The following RGS7 variants were observed in gnomAD, a reference collection of about 807,000 sequenced individuals.
RGS7 encodes regulator of G-protein signaling 7.
In RGS7, 27 loss-of-function variants were observed where a neutral mutation model predicts 81.1. That is an observed-to-expected ratio of 0.33 (90% CI 0.25 to 0.46). The LOEUF is 0.46. Among genes scored for constraint, RGS7 ranks in the 20% least tolerant of loss-of-function variants. The pLI is 1.00. For missense variants in RGS7, 396 were observed against 607.4 expected, an observed-to-expected ratio of 0.65 and a Z score of 3.66; for synonymous variants, 208 against 207.7, an observed-to-expected ratio of 1.00 and a Z score of -0.01.
At chr1:241,149,658 C>G (rs915990746) in intron 2 of RGS7, among the ~76,000 whole-genome samples, 8 of 152,234 alleles carry the variant, frequency 5.3e-5, no homozygotes, top group Non-Finnish European at 1.2e-4. Flanking sequence ...TAACCACACC[C>G]CATACCCACA....
intron 2 of RGS7, among the ~76,000 whole-genome samples, chr1:241,106,531 T>C (rs984690517): frequency 1.3e-5 from 2 of 151,658 alleles, no homozygotes; most frequent in African/African-American, 4.9e-5. Context: ...CTGGCCAACA[T>C]GGCGAAATTC....
chr1:240,944,737 T>C (rs1472047890), intron 4 of RGS7, among the ~76,000 whole-genome samples: 1 of 152,192 alleles, frequency 6.6e-6, no homozygotes, highest in Non-Finnish European at 1.5e-5. Flanking sequence ...TGTTTTGAGA[T>C]GGAGTCTCAC....
chr1:241,055,333 T>C (rs889334727), intron 3 of RGS7, among the ~76,000 whole-genome samples: 4 of 152,220 alleles, frequency 2.6e-5, no homozygotes, highest in Admixed American at 2.0e-4. Flanking sequence ...TAATGGGCTA[T>C]AAATTGGAGT....
rs1175884429 is a variant in RGS7, at chr1:241,221,011, A to AGAG, written c.79-122250_79-122249insCTC. Among the ~76,000 whole-genome samples, 68 of 35,510 alleles carry AGAG rather than the reference A, an allele frequency of 1.9e-3. 1 individual carries two copies. Among genetic ancestry groups the AGAG allele is most frequent in the Middle Eastern group, 0.012 (1 of 84 alleles). The allele number at this position is 35,510 out of a possible 152,430, so 23.3% of individuals were successfully genotyped here. On this transcript the variant is annotated intron_variant, in intron 2 of 18. Transcript: ENST00000440928. ...GAAGGAAGGAAGAGAGAGAGAAAGG[A>AGAG]AGGAAGGAAGGAAGGAAGGAAGGAA...
At chr1:240,895,394 G>A (rs145070931) in intron 6 of RGS7, among the ~76,000 whole-genome samples, 107 of 151,744 alleles carry the variant, frequency 7.1e-4, no homozygotes, top group African/African-American at 2.5e-3. Context: ...ACCCATTAAC[G>A]TGTCATTTAC....
intron 2 of RGS7, among the ~76,000 whole-genome samples, chr1:241,137,530 G>A (rs1187119359): frequency 6.6e-6 from 1 of 152,116 alleles, no homozygotes; most frequent in African/African-American, 2.4e-5. Context: ...ATCAGATCCT[G>A]AATGTTCAAC....
In RGS7 at chr1:241,089,092, T is replaced by TATATATATATATATATATAC. The variant is rs1335136344; in HGVS notation, c.175+9573_175+9574insGTATATATATATATATATAT. On this transcript the variant is annotated intron_variant, in intron 3 of 18. Coordinates refer to ENST00000440928, the MANE Select transcript of RGS7 (RefSeq NM_001364886.1). ...ATATATATATATATATATATATATATATATACTGGCTTAGACCTAAGGTGA... is the reference window on the plus strand; with the variant it reads ...ATATATATATATATATATATATATATATATATATATATATATATACATATACTGGCTTAGACCTAAGGTGA... Among the ~76,000 whole-genome samples, 91 of 100,088 alleles carry TATATATATATATATATATAC rather than the reference T, an allele frequency of 9.1e-4. 2 individuals are homozygous for TATATATATATATATATATAC. The highest frequency in any genetic ancestry group is 1.2e-3 in the East Asian group (5 of 4,146). 65.7% of individuals were successfully genotyped at this position (100,088 alleles called of 152,430 possible).
At chr1:241,312,795 C>G (rs1289373711) in intron 2 of RGS7, among the ~76,000 whole-genome samples, 1 of 152,104 alleles carries the variant, frequency 6.6e-6, no homozygotes, top group Non-Finnish European at 1.5e-5. Flanking sequence ...AATCAAAAGC[C>G]AGAAGCATGA....
rs79049817 is a variant in RGS7, at chr1:241,281,026, G to A, written c.78+74673C>T. 4.7e-3 allele frequency among the ~76,000 whole-genome samples: 709 copies of A among 152,100 alleles called. 4 individuals are homozygous for A. The highest frequency in any genetic ancestry group is 0.016 in the African/African-American group (658 of 41,498). On this transcript the variant is annotated intron_variant, in intron 2 of 18. Transcript: ENST00000440928. The stretch of plus-strand genomic sequence containing the variant: ...ATCTGTGACAATTTCAAAGCTCACA[G>A]ATGAACCACATAGTCTAGAAATATA...
intron 6 of RGS7, among the ~76,000 whole-genome samples, chr1:240,916,336 TG>T (rs1672626049): frequency 6.7e-6 from 1 of 148,368 alleles, no homozygotes; most frequent in Non-Finnish European, 1.5e-5. Context: ...CTAAAAACTG[TG>T]GGGGTAATTA....
chr1:241,180,167 C>A (rs1372332317), intron 2 of RGS7, among the ~76,000 whole-genome samples: 1 of 151,986 alleles, frequency 6.6e-6, no homozygotes. Context: ...GAGGTCAGAT[C>A]GAGACCATCA....
rs1300100154 is a variant in RGS7 at position 241,235,660 on chromosome 1, TTC to T, written c.78+120037_78+120038del. 4.5e-5 allele frequency among the ~76,000 whole-genome samples: 6 copies of T among 133,384 alleles called. 1 individual carries two copies. In the East Asian group the frequency reaches 6.6e-4, roughly 15 times the overall value. The allele number at this position is 133,384 out of a possible 152,430, so 87.5% of individuals were successfully genotyped here. ...TTCTTTTTTCTCATTCTCTCTTTCT[TTC>T]TCTTTCTCTCTCTCTTTCTTTCTCT... On this transcript the variant is annotated intron_variant, in intron 2 of 18. Transcript: ENST00000440928.
chr1:240,992,236 G>C (rs1208543720), intron 3 of RGS7, among the ~76,000 whole-genome samples: 4 of 152,198 alleles, frequency 2.6e-5, no homozygotes, highest in African/African-American at 7.2e-5. Context: ...GGGCGCGTTG[G>C]CTCATGCCTG....
At chr1:240,940,344 T>A (rs951415910) in intron 4 of RGS7, among the ~76,000 whole-genome samples, 1 of 152,218 alleles carries the variant, frequency 6.6e-6, no homozygotes, top group African/African-American at 2.4e-5. Flanking sequence ...AAAATGTGTA[T>A]GATTTTCTCT....
intron 6 of RGS7, among the ~76,000 whole-genome samples, chr1:240,916,274 C>CA (rs33925153): frequency 4.2e-5 from 5 of 119,088 alleles, no homozygotes; most frequent in African/African-American, 9.3e-5. Context: ...GAGACACTGT[C>CA]AAAAAAAAAA....
intron 2 of RGS7, among the ~76,000 whole-genome samples, chr1:241,185,887 C>T (rs2072052469): frequency 1.3e-5 from 2 of 151,928 alleles, no homozygotes. Context: ...TTTAAAAGAG[C>T]ATCTAAGTTT....
At chr1:241,261,905 T>C (rs1385456153) in intron 2 of RGS7, among the ~76,000 whole-genome samples, 2 of 152,186 alleles carry the variant, frequency 1.3e-5, no homozygotes, top group African/African-American at 4.8e-5. Context: ...GGAAATTTGC[T>C]GATTGAGATT....
intron 2 of RGS7, among the ~76,000 whole-genome samples, chr1:241,223,998 C>T (rs1276023165): frequency 1.6e-5 from 2 of 123,012 alleles, no homozygotes; most frequent in African/African-American, 5.4e-5. Context: ...TATCTTGGGT[C>T]CCTCCAAAAA....
intron 2 of RGS7, among the ~76,000 whole-genome samples, chr1:241,342,938 TAGAGAA>T (rs879394438): frequency 6.6e-6 from 1 of 152,040 alleles, no homozygotes; most frequent in Non-Finnish European, 1.5e-5. Flanking sequence ...GTGCAGCCAC[TAGAGAA>T]CACGGTATGG....
Sources: allele counts gnomAD v4.1 joint callset (sites outside exome capture counted in the v4.1 genomes callset), GRCh38; gene constraint gnomAD v4.1.1; transcripts MANE v1.5; gene names NCBI Gene and HGNC (gene_info 2026-07-23, HGNC 2026-07-21).